Variants in GNAO1 observed in about 807,000 individuals in gnomAD.
The protein encoded by GNAO1 is G protein subunit alpha o1, also known as guanine nucleotide-binding protein G(o) subunit alpha.
For missense variants in GNAO1, 166 were observed against 478.7 expected (o/e 0.35, Z 6.10); for synonymous variants, 164 against 180.7 (o/e 0.91, Z 0.74).
chr16:56,195,437 A>C (rs1404787292), intron 2 of GNAO1, among the ~76,000 whole-genome samples: 1 of 152,184 alleles, frequency 6.6e-6, no homozygotes, highest in Non-Finnish European at 1.5e-5. Context: ...AATTTTTTTG[A>C]GTCCTCCCTT....
At chr16:56,228,826 G>A (rs1374141726) in intron 2 of GNAO1, among the ~76,000 whole-genome samples, 1 of 152,162 alleles carries the variant, frequency 6.6e-6, no homozygotes, top group African/African-American at 2.4e-5. Flanking sequence ...CACTGTTACC[G>A]CCCCTTCACT....
chr16:56,247,377 C>T lies in GNAO1; in HGVS notation c.162-28554C>T, dbSNP rs1257360269. Among the ~76,000 whole-genome samples the T allele has an allele frequency of 2.0e-5, 3 of 152,212 alleles. No homozygotes were observed. The East Asian group carries it at 5.8e-4, about 29-fold the overall frequency. On this transcript the variant is annotated intron_variant, in intron 2 of 8. Coordinates refer to ENST00000262493, the MANE Select transcript of GNAO1 (RefSeq NM_020988.3). The stretch of plus-strand genomic sequence containing the variant: ...TTTCCCAAAGCTGTACCCAATTTCT[C>T]CACTCAGCTGTACTTCCTCCTTCTC...
At chr16:56,285,004 A>T (rs1485491624) in intron 3 of GNAO1, among the ~76,000 whole-genome samples, 1 of 152,212 alleles carries the variant, frequency 6.6e-6, no homozygotes, top group East Asian at 1.9e-4. Flanking sequence ...TGGCCCCTGC[A>T]GAGGCCCCAG....
At chr16:56,273,187 T>C (rs1178624780) in intron 2 of GNAO1, among the ~76,000 whole-genome samples, 1 of 152,230 alleles carries the variant, frequency 6.6e-6, no homozygotes, top group Non-Finnish European at 1.5e-5. Context: ...GTTGAAGTTT[T>C]ATTTCTATGT....
intron 2 of GNAO1, among the ~76,000 whole-genome samples, chr16:56,261,783 C>T (rs1408765103): frequency 6.6e-6 from 1 of 152,170 alleles, no homozygotes. Context: ...GCCCTCAGAA[C>T]CTGTTCAGTA....
intron 2 of GNAO1, chr16:56,213,323 T>C (rs2036407876): frequency 2.5e-6 from 1 of 398,460 alleles, no homozygotes; most frequent in Non-Finnish European, 4.4e-6. Flanking sequence ...GTGTTGTAAC[T>C]GAGCAAGACA....
chr16:56,340,990 A>G (rs1225595673), intron 6 of GNAO1: 4 of 1,612,734 alleles, frequency 2.5e-6, no homozygotes, highest in Non-Finnish European at 3.4e-6. Context: ...ATATACAGGT[A>G]GAGACCCCTC....
chr16:56,234,881 T>G (rs1453480473), intron 2 of GNAO1: 1 of 173,250 alleles, frequency 5.8e-6, no homozygotes, highest in African/African-American at 2.4e-5. Flanking sequence ...CCAGAGAATC[T>G]GTTTCACTTT....
At chr16:56,203,077 A>T (rs1202091846) in intron 2 of GNAO1, among the ~76,000 whole-genome samples, 1 of 152,178 alleles carries the variant, frequency 6.6e-6, no homozygotes, top group African/African-American at 2.4e-5. Context: ...TTCAATTCTC[A>T]AAGGTGCAGA....
chr16:56,348,806 G>A (rs879853384), intron 6 of GNAO1, among the ~76,000 whole-genome samples: 1 of 152,166 alleles, frequency 6.6e-6, no homozygotes, highest in African/African-American at 2.4e-5. Flanking sequence ...TGCCCTCCCC[G>A]AGTCTCCAGG....
chr16:56,208,367 G>A (rs574582203), intron 2 of GNAO1, among the ~76,000 whole-genome samples: 3 of 152,092 alleles, frequency 2.0e-5, no homozygotes, highest in African/African-American at 7.2e-5. Flanking sequence ...TACTGTTGAT[G>A]TGGCATTTTA....
At chr16:56,212,284 G>C (rs985005505) in intron 2 of GNAO1, among the ~76,000 whole-genome samples, 1 of 152,134 alleles carries the variant, frequency 6.6e-6, no homozygotes, top group Non-Finnish European at 1.5e-5. Flanking sequence ...TGTCCCGATG[G>C]CTCCAACTCG....
intron 2 of GNAO1, among the ~76,000 whole-genome samples, chr16:56,216,923 C>T (rs2036441581): frequency 6.6e-6 from 1 of 152,202 alleles, no homozygotes; most frequent in African/African-American, 2.4e-5. Context: ...ATAGCACTTA[C>T]CCACAGGATT....
chr16:56,347,074 C>T (rs2037876845), intron 6 of GNAO1: 3 of 985,430 alleles, frequency 3.0e-6, no homozygotes, highest in East Asian at 1.1e-4. Flanking sequence ...CTGGTGCACT[C>T]TTGGCAAGTG....
intron 2 of GNAO1, among the ~76,000 whole-genome samples, chr16:56,267,633 A>G (rs541343072): frequency 2.6e-5 from 4 of 152,220 alleles, no homozygotes; most frequent in Non-Finnish European, 1.5e-5. Flanking sequence ...ACCCTCCACC[A>G]TGCACCTGTA....
At chr16:56,295,249 A>C (rs1368085608) in intron 3 of GNAO1, among the ~76,000 whole-genome samples, 1 of 152,114 alleles carries the variant, frequency 6.6e-6, no homozygotes, top group Non-Finnish European at 1.5e-5. Context: ...CAGAGGTTGA[A>C]CTTGTGGACT....
intron 2 of GNAO1, chr16:56,193,997 G>T (rs76026714): frequency 7.4e-6 from 3 of 404,712 alleles, no homozygotes; most frequent in Non-Finnish European, 1.5e-5. Context: ...GGGAAGGTGG[G>T]AGTGGGAGAC....
At chr16:56,247,220 C>T (rs1044930673) in intron 2 of GNAO1, among the ~76,000 whole-genome samples, 2 of 152,248 alleles carry the variant, frequency 1.3e-5, no homozygotes, top group African/African-American at 4.8e-5. Flanking sequence ...CTGCGCTAGC[C>T]TGTGCCCTGT....
At chr16:56,340,713 C>T (rs1384543088) in intron 6 of GNAO1, 8 of 832,522 alleles carry the variant, frequency 9.6e-6, no homozygotes, top group East Asian at 4.9e-5. Context: ...GTCTCCGTCC[C>T]GGTGGTGCAT....
Sources: gnomAD v4.1 joint callset for allele counts (sites outside exome capture counted in the v4.1 genomes callset) on GRCh38, gnomAD v4.1.1 for gene constraint, MANE v1.5 for transcripts, NCBI Gene and HGNC (gene_info 2026-07-23, HGNC 2026-07-21) for gene names.